KPNA1: variants seen among roughly 807,000 people sequenced by gnomAD.
KPNA1 encodes the protein importin subunit alpha-5.
KPNA1 carries 10 observed loss-of-function variants against 70.5 expected under a neutral mutation model. The observed-to-expected ratio is 0.14, with a 90% CI of 0.09 to 0.24. The LOEUF is 0.24. Among genes scored for constraint, KPNA1 ranks in the 10% least tolerant of loss-of-function variants. KPNA1 has a pLI of 1.00. For missense variants in KPNA1, 397 were observed against 637.9 expected, an observed-to-expected ratio of 0.62 and a Z score of 4.07; for synonymous variants, 192 against 221.9, an observed-to-expected ratio of 0.87 and a Z score of 1.20.
chr3:122,437,048 G>C, intron 11 of KPNA1, 122 bp downstream of exon 11: 1 of 931,264 alleles, frequency 1.1e-6, no homozygotes, highest in Non-Finnish European at 1.6e-6. Flanking sequence ...CCAGAGTGCT[G>C]GGATTACAGG....
At chr3:122,428,956 A>T (rs1457040533) in intron 12 of KPNA1, among the ~76,000 whole-genome samples, 1 of 152,246 alleles carries the variant, frequency 6.6e-6, no homozygotes, top group African/African-American at 2.4e-5. Flanking sequence ...TCTCATGAAC[A>T]TGAATACAAA....
chr3:122,433,971 C>G (rs1157913096), intron 11 of KPNA1, among the ~76,000 whole-genome samples, 183 bp from the exon 12 acceptor site: 2 of 152,166 alleles, frequency 1.3e-5, no homozygotes, highest in East Asian at 3.9e-4. Flanking sequence ...GAGTCTCACT[C>G]TGTTGCCCAG....
At chr3:122,495,539 T>C (rs1365378318) in intron 2 of KPNA1, among the ~76,000 whole-genome samples, 1 of 152,086 alleles carries the variant, frequency 6.6e-6, no homozygotes, top group Non-Finnish European at 1.5e-5. Flanking sequence ...ACTGTTGGAC[T>C]TCACCTAAAT....
At chr3:122,449,795 G>T in intron 8 of KPNA1, 58 bp from the exon 9 acceptor site, 1 of 1,456,484 alleles carries the variant, frequency 6.9e-7, no homozygotes. Flanking sequence ...GAAGTGAGGT[G>T]AGATACTCAA....
At chr3:122,481,189 A>T (rs1173721573) in intron 2 of KPNA1, among the ~76,000 whole-genome samples, 1 of 152,222 alleles carries the variant, frequency 6.6e-6, no homozygotes, top group African/African-American at 2.4e-5. Context: ...CGTATAGTAC[A>T]TACATAGAAA....
chr3:122,479,874 A>G (rs573621984), intron 2 of KPNA1, among the ~76,000 whole-genome samples: 26 of 152,352 alleles, frequency 1.7e-4, no homozygotes, highest in Non-Finnish European at 3.2e-4. Context: ...AAATGTATAT[A>G]GGAGTTTTAT....
intron 2 of KPNA1, among the ~76,000 whole-genome samples, chr3:122,476,259 C>CT (rs2076496618): frequency 6.6e-6 from 1 of 152,136 alleles, no homozygotes; most frequent in Non-Finnish European, 1.5e-5. Context: ...GAAACTGAAC[C>CT]TTTATCCCAC....
chr3:122,452,321 G>A (rs1446263367), intron 6 of KPNA1, among the ~76,000 whole-genome samples: 1 of 151,696 alleles, frequency 6.6e-6, no homozygotes, highest in African/African-American at 2.4e-5. Context: ...AGTATGGAGT[G>A]CAACACAGTG....
rs1386487457 is a variant in KPNA1, at chr3:122,424,866, A to G, written c.*2119T>C. The G allele has an allele frequency of 1.3e-5, 2 of 152,700 alleles. No individual in the cohort carries two copies. Among genetic ancestry groups the G allele is most frequent in the African/African-American group, 2.4e-5 (1 of 41,464 alleles). The allele number at this position is 152,700 out of a possible 1,614,324, so 9.5% of individuals were successfully genotyped here. A position where few individuals can be genotyped will look rare whatever the true frequency, so the allele number is the denominator to read the frequency against. ...ATTTTTACTATGAATCAGTGCTTCT[A>G]TTATCCTTCTGAAAGAAGTTATATT... On this transcript the variant is annotated 3_prime_UTR_variant, in exon 14 of 14. Transcript: ENST00000344337.
chr3:122,506,574 A>G (rs973769064), intron 1 of KPNA1, among the ~76,000 whole-genome samples: 4 of 152,216 alleles, frequency 2.6e-5, no homozygotes, highest in Admixed American at 6.5e-5. Context: ...GTGTTCAATG[A>G]AAGCAAAGTT....
At chr3:122,437,131 T>C (rs756779466) in intron 11 of KPNA1, 39 bp downstream of exon 11, 1 of 1,590,830 alleles carries the variant, frequency 6.3e-7, no homozygotes, top group South Asian at 1.1e-5. Flanking sequence ...TACTTTTCAA[T>C]AAAAATACTG....
chr3:122,478,160 CAAA>C (rs566764177), intron 2 of KPNA1, among the ~76,000 whole-genome samples: 4 of 75,554 alleles, frequency 5.3e-5, no homozygotes, highest in Non-Finnish European at 5.0e-5. Context: ...GATGCTGTCT[CAAA>C]AAAAAAAAAA....
At chr3:122,451,407 C>T (rs2076201109) in intron 8 of KPNA1, 127 bp downstream of exon 8, 3 of 589,238 alleles carry the variant, frequency 5.1e-6, no homozygotes, top group Middle Eastern at 2.8e-4. Context: ...CCTGTTTCTC[C>T]AAAAACAGAT....
At chr3:122,475,645 T>C (rs2076489371) in intron 2 of KPNA1, among the ~76,000 whole-genome samples, 1 of 152,152 alleles carries the variant, frequency 6.6e-6, no homozygotes, top group South Asian at 2.1e-4. Context: ...GCCAATCCCC[T>C]ACGCAGTCAA....
intron 6 of KPNA1, 34 bp from the exon 7 acceptor site, chr3:122,452,098 T>C (rs763121585): frequency 1.5e-6 from 2 of 1,360,094 alleles, no homozygotes; most frequent in South Asian, 2.4e-5. Context: ...AAAGGTTACA[T>C]AGTTTAATTC....
At chr3:122,472,564 A>G (rs1349599989) in intron 2 of KPNA1, among the ~76,000 whole-genome samples, 2 of 152,234 alleles carry the variant, frequency 1.3e-5, no homozygotes, top group East Asian at 3.8e-4. Context: ...CAAAGTTAGC[A>G]GAAGAATAAA....
chr3:122,484,141 C>T (rs2076602747), intron 2 of KPNA1, among the ~76,000 whole-genome samples: 1 of 152,108 alleles, frequency 6.6e-6, no homozygotes, highest in African/African-American at 2.4e-5. Context: ...TGCTATTAAA[C>T]TGTGAATTGG....
At chr3:122,446,305 A>G (rs2076137203) in intron 9 of KPNA1, among the ~76,000 whole-genome samples, 1 of 152,234 alleles carries the variant, frequency 6.6e-6, no homozygotes, top group South Asian at 2.1e-4. Flanking sequence ...AAAAGAACAG[A>G]AATCACAACA....
chr3:122,488,561 A>T (rs2107489197), intron 2 of KPNA1, among the ~76,000 whole-genome samples: 1 of 152,352 alleles, frequency 6.6e-6, no homozygotes, highest in South Asian at 2.1e-4. Flanking sequence ...GTAGAGATAC[A>T]TATTGAAGTA....
Sources: gnomAD v4.1 joint callset for allele counts (sites outside exome capture counted in the v4.1 genomes callset) on GRCh38, gnomAD v4.1.1 for gene constraint, MANE v1.5 for transcripts, NCBI Gene and HGNC (gene_info 2026-07-23, HGNC 2026-07-21) for gene names.